Variants in SDK1 observed in about 807,000 individuals in gnomAD.
The protein encoded by SDK1 is protein sidekick-1.
SDK1 carries 157 observed loss-of-function variants against 245.5 expected under a neutral mutation model. That is an observed-to-expected ratio of 0.64 (90% CI 0.56 to 0.73). The LOEUF (loss-of-function observed/expected upper bound fraction) is 0.73. Among genes scored for constraint, SDK1 ranks in the 30% least tolerant of loss-of-function variants. The probability of loss-of-function intolerance (pLI) is 0.00; values close to 1 mark genes in which losing one functional copy is unlikely to be tolerated. For missense variants in SDK1, 3,583 were observed against 3,002.3 expected, an observed-to-expected ratio of 1.19 and a Z score of -4.52; for synonymous variants, 1,647 against 1,278.5, an observed-to-expected ratio of 1.29 and a Z score of -6.15.
intron 32 of SDK1, among the ~76,000 whole-genome samples, chr7:4,172,625 G>A (rs180743608): frequency 1.3e-4 from 20 of 152,310 alleles, no homozygotes; most frequent in African/African-American, 4.8e-4. Flanking sequence ...TACGCATTAG[G>A]TGGTTGGAAA....
chr7:3,385,663 A>G (rs2128568295), intron 1 of SDK1, among the ~76,000 whole-genome samples: 1 of 152,212 alleles, frequency 6.6e-6, no homozygotes, highest in African/African-American at 2.4e-5. Context: ...ACCAAAATAC[A>G]GCCCCCGTAT....
chr7:4,068,020 G>T, intron 20 of SDK1, 84 bp downstream of exon 20: 1 of 926,754 alleles, frequency 1.1e-6, no homozygotes, highest in South Asian at 1.5e-5. Flanking sequence ...CCAAACTGCT[G>T]ACAGCATGGA....
chr7:3,687,138 G>T (rs903554521), intron 4 of SDK1, among the ~76,000 whole-genome samples: 3 of 144,636 alleles, frequency 2.1e-5, no homozygotes, highest in Admixed American at 2.1e-4. Flanking sequence ...CAAGACAAAT[G>T]AAAAATTATG....
chr7:4,012,668 G>T (rs1808947), intron 16 of SDK1, among the ~76,000 whole-genome samples: 2 of 143,714 alleles, frequency 1.4e-5, no homozygotes. Context: ...CCGCTGCCTG[G>T]GTTCAAGCAA....
At chr7:4,204,126 CG>C (rs1448350395) in intron 35 of SDK1, among the ~76,000 whole-genome samples, 8 of 152,236 alleles carry the variant, frequency 5.3e-5, no homozygotes, top group South Asian at 2.1e-4. Context: ...GATGTCTCAC[CG>C]ACTACCAGGG....
rs200467190 is a variant in SDK1, at chr7:4,024,712, CT to C, written c.2602+7363del. ...GATGGAATCTCAGTGAGGTAACTCACTTTCCCAAGGTGATATAGCTGGACAA... is the reference window on the plus strand; with the variant it reads ...GATGGAATCTCAGTGAGGTAACTCACTTCCCAAGGTGATATAGCTGGACAA... On this transcript the variant is annotated intron_variant, in intron 17 of 44. Coordinates refer to ENST00000404826, the MANE Select transcript of SDK1 (RefSeq NM_152744.4). 3.3e-3 allele frequency among the ~76,000 whole-genome samples: 500 copies of C among 152,338 alleles called. 4 individuals carry two copies. Among genetic ancestry groups the C allele is most frequent in the African/African-American group, 0.011 (477 of 41,580 alleles).
chr7:3,616,895 A>T (rs1781788912), intron 1 of SDK1, among the ~76,000 whole-genome samples: 1 of 152,232 alleles, frequency 6.6e-6, no homozygotes, highest in African/African-American at 2.4e-5. Context: ...CCAAAAATTT[A>T]AAGTTGAGTA....
chr7:4,151,201 C>G (rs1255904670), intron 30 of SDK1, among the ~76,000 whole-genome samples: 1 of 152,210 alleles, frequency 6.6e-6, no homozygotes, highest in Non-Finnish European at 1.5e-5. Context: ...CTGCGGCTCC[C>G]AGGCCCCCAT....
At chr7:3,659,263 C>T (rs1343639838) in intron 4 of SDK1, among the ~76,000 whole-genome samples, 1 of 152,072 alleles carries the variant, frequency 6.6e-6, no homozygotes, top group Non-Finnish European at 1.5e-5. Context: ...ATGTCAGCTG[C>T]CCTGGTCGGT....
At chr7:3,542,115 C>G (rs779634203) in intron 1 of SDK1, among the ~76,000 whole-genome samples, 1 of 152,096 alleles carries the variant, frequency 6.6e-6, no homozygotes, top group East Asian at 1.9e-4. Context: ...ATTTAATTGT[C>G]GATAAGTCAT....
At chr7:3,940,640 C>T (rs560501702) in intron 5 of SDK1, among the ~76,000 whole-genome samples, 2 of 151,678 alleles carry the variant, frequency 1.3e-5, no homozygotes, top group Non-Finnish European at 1.5e-5. Context: ...CTGGGCAACA[C>T]GATGAAACCC....
intron 14 of SDK1, among the ~76,000 whole-genome samples, chr7:4,010,012 T>A (rs1351536686): frequency 6.6e-6 from 1 of 152,188 alleles, no homozygotes; most frequent in African/African-American, 2.4e-5. Flanking sequence ...AACACTATGG[T>A]GGAAAGCATG....
At chr7:3,560,286 T>A (rs1489689751) in intron 1 of SDK1, among the ~76,000 whole-genome samples, 1 of 152,262 alleles carries the variant, frequency 6.6e-6, no homozygotes, top group Non-Finnish European at 1.5e-5. Context: ...TTTATTGATG[T>A]ACTGTCTATA....
At chr7:4,056,706 T>C (rs1022162726) in intron 19 of SDK1, among the ~76,000 whole-genome samples, 3 of 151,926 alleles carry the variant, frequency 2.0e-5, no homozygotes, top group Non-Finnish European at 4.4e-5. Context: ...GATGTCCTGC[T>C]CCAGAGAGGG....
At position 4,180,404 on chromosome 7, in the gene SDK1, G is replaced by GGCTCCAGCTCTATGCCCAGCGCCCA. The variant is rs1562398825; in HGVS notation, c.5098+1839_5098+1863dup. On this transcript the variant is annotated intron_variant, in intron 35 of 44. Coordinates refer to ENST00000404826, the MANE Select transcript of SDK1 (RefSeq NM_152744.4). ...GGCTCCAGCTCTATGCCCAGCGCCT[G>GGCTCCAGCTCTATGCCCAGCGCCCA]GCTCCAGCTCTATGCCCAGCGCCCA... is the stretch of plus-strand genomic sequence containing the variant. 4.8e-3 allele frequency among the ~76,000 whole-genome samples: 548 copies of GGCTCCAGCTCTATGCCCAGCGCCCA among 115,324 alleles called. 2 individuals carry two copies. The highest frequency in any genetic ancestry group is 0.01 in the Middle Eastern group (2 of 198). 75.7% of individuals were successfully genotyped at this position (115,324 alleles called of 152,430 possible).
intron 1 of SDK1, among the ~76,000 whole-genome samples, chr7:3,432,289 G>A (rs1053976657): frequency 3.3e-5 from 5 of 151,744 alleles, no homozygotes; most frequent in African/African-American, 4.8e-5. Context: ...CAAATTGGTC[G>A]TGGCATTGGG....
At chr7:3,653,105 C>G (rs1783059334) in intron 4 of SDK1, among the ~76,000 whole-genome samples, 1 of 152,172 alleles carries the variant, frequency 6.6e-6, no homozygotes, top group South Asian at 2.1e-4. Context: ...CAGGCTTAAA[C>G]TTGTGTGGGG....
At chr7:3,532,304 G>T (rs1474426813) in intron 1 of SDK1, among the ~76,000 whole-genome samples, 7 of 152,144 alleles carry the variant, frequency 4.6e-5, no homozygotes, top group African/African-American at 1.2e-4. Flanking sequence ...TCAGAGTGAG[G>T]GTGTAGGGAA....
At chr7:3,439,355 C>G (rs1780127005) in intron 1 of SDK1, among the ~76,000 whole-genome samples, 1 of 152,216 alleles carries the variant, frequency 6.6e-6, no homozygotes, top group African/African-American at 2.4e-5. Context: ...ATATGAGTAG[C>G]ATGCAAGCTC....
Sources: gnomAD v4.1 joint callset for allele counts (sites outside exome capture counted in the v4.1 genomes callset) on GRCh38, gnomAD v4.1.1 for gene constraint, MANE v1.5 for transcripts, NCBI Gene and HGNC (gene_info 2026-07-23, HGNC 2026-07-21) for gene names.